Variants in IPO7 observed in about 807,000 individuals in gnomAD.
IPO7 encodes importin 7.
A neutral mutation model predicts 136.4 loss-of-function variants in IPO7; 13 were observed. The observed-to-expected ratio is 0.10, with a 90% CI of 0.06 to 0.15. The LOEUF is 0.15. IPO7 is among the 10% of genes least tolerant of loss of function. IPO7 has a pLI of 1.00. For missense variants in IPO7, 857 were observed against 1,240.6 expected, an observed-to-expected ratio of 0.69 and a Z score of 4.65; for synonymous variants, 403 against 404.4, an observed-to-expected ratio of 1.00 and a Z score of 0.04.
chr11:9,407,648 C>G (rs1854906102), intron 2 of IPO7, among the ~76,000 whole-genome samples: 1 of 152,110 alleles, frequency 6.6e-6, no homozygotes. Flanking sequence ...TTAAAGCAAA[C>G]TAGAATATAA....
chr11:9,422,419 TA>T (rs1192501099), intron 8 of IPO7, among the ~76,000 whole-genome samples: 1 of 151,532 alleles, frequency 6.6e-6, no homozygotes, highest in Admixed American at 6.6e-5. Context: ...TTTTTTTTTT[TA>T]AAAAAAGACA....
Position 9,426,451 on chromosome 11 carries a change from A to G in IPO7, c.1335+1189A>G, listed in dbSNP as rs773466754. 8.5e-5 allele frequency among the ~76,000 whole-genome samples: 13 copies of G among 152,162 alleles called. No individual in the cohort carries two copies. In the East Asian group the frequency reaches 9.6e-4, roughly 11 times the overall value. On this transcript the variant is annotated intron_variant, in intron 12 of 24. Coordinates refer to ENST00000379719, the MANE Select transcript of IPO7 (RefSeq NM_006391.3). ...GTTTCTACTTTCTGGCTGCTTACAA[A>G]TGTTGCTGTGAACATTCATGTTTAA...
chr11:9,434,878 CAAAG>C (rs1240024934), intron 18 of IPO7, 52 bp from the exon 19 acceptor site: 7 of 1,207,216 alleles, frequency 5.8e-6, no homozygotes, highest in African/African-American at 3.0e-5. Flanking sequence ...TTTTCAAAAG[CAAAG>C]AAAGCATTTG....
At chr11:9,418,480 A>G (rs1215694198) in intron 6 of IPO7, among the ~76,000 whole-genome samples, 1 of 152,156 alleles carries the variant, frequency 6.6e-6, no homozygotes, top group Non-Finnish European at 1.5e-5. Flanking sequence ...AATTTATCCA[A>G]TATAATATTG....
chr11:9,412,665 A>G (rs1370742225), intron 4 of IPO7, among the ~76,000 whole-genome samples: 2 of 151,996 alleles, frequency 1.3e-5, no homozygotes, highest in African/African-American at 4.8e-5. Context: ...TACTCTCTAC[A>G]GACAAAAAAG....
At chr11:9,404,664 C>T (rs1356276621) in intron 2 of IPO7, among the ~76,000 whole-genome samples, 2 of 147,568 alleles carry the variant, frequency 1.4e-5, no homozygotes, top group African/African-American at 2.5e-5. Flanking sequence ...CTCCCGTGTT[C>T]ACGCCGTTCT....
chr11:9,443,314 C>T (rs1274864261), intron 24 of IPO7, among the ~76,000 whole-genome samples: 3 of 152,106 alleles, frequency 2.0e-5, no homozygotes, highest in East Asian at 1.9e-4. Context: ...ACACCTAAGC[C>T]GGGCGCAGTG....
At position 9,438,253 on chromosome 11, in the gene IPO7, A is replaced by G; in HGVS notation, c.2663A>G (p.Asp888Gly). ...CHAEHENDSDDDDEAEDDDET... is the reference protein window; with the variant it reads ...CHAEHENDSDGDDEAEDDDET... ...GCAGAACATGAGAATGACAGTGATG[A>G]TGATGATGAAGCTGAAGATGATGAT... Residue 888 changes from aspartate (D) to glycine (G), a missense_variant, in exon 22 of 25, where the codon GAT becomes GGT. Asp to Gly is a moderately conservative substitution (Grantham distance 94). Around this residue, in one of 11 missense-constraint regions of IPO7, gnomAD observed 119 missense variants for 155.5 expected, o/e 0.77. Coordinates refer to ENST00000379719, the MANE Select transcript of IPO7 (RefSeq NM_006391.3). 1 of 1,590,626 alleles carries G rather than the reference A, an allele frequency of 6.3e-7. No homozygotes were observed. Among genetic ancestry groups the G allele is most frequent in the Non-Finnish European group, 8.6e-7 (1 of 1,159,792 alleles).
At chr11:9,407,239 T>A (rs2133735343) in intron 2 of IPO7, among the ~76,000 whole-genome samples, 1 of 152,312 alleles carries the variant, frequency 6.6e-6, no homozygotes, top group South Asian at 2.1e-4. Flanking sequence ...TGGACTTTGT[T>A]GGTCCTATTT....
At chr11:9,388,381 TGGCCA>T (rs1175308178) in intron 1 of IPO7, among the ~76,000 whole-genome samples, 1 of 151,880 alleles carries the variant, frequency 6.6e-6, no homozygotes, top group East Asian at 2.0e-4. Context: ...TTTACCATGT[TGGCCA>T]GGCTGGTCTC....
rs1554952677 is a variant in IPO7, at chr11:9,397,361, T to TATTA, written c.85-5927_85-5926insTAAT. On this transcript the variant is annotated intron_variant, in intron 1 of 24. Coordinates refer to ENST00000379719, the MANE Select transcript of IPO7 (RefSeq NM_006391.3). ...AAAAAAATATATATATATATATATA[T>TATTA]ATATTAGTCGGGCACGGTGGCAGGT... is the stretch of plus-strand genomic sequence containing the variant. Among the ~76,000 whole-genome samples the TATTA allele has an allele frequency of 8.8e-4, 37 of 42,278 alleles. 8 individuals carry two copies. The Middle Eastern group carries it at 0.038, about 44-fold the overall frequency. The allele number at this position is 42,278 out of a possible 152,430, so 27.7% of individuals were successfully genotyped here.
intron 9 of IPO7, 86 bp downstream of exon 9, chr11:9,423,226 G>C: frequency 1.2e-6 from 1 of 834,542 alleles, no homozygotes; most frequent in Non-Finnish European, 1.8e-6. Context: ...TTGCATGTTT[G>C]TTGAGTTGTG....
At chr11:9,422,789 A>G (rs1237372625) in intron 8 of IPO7, among the ~76,000 whole-genome samples, 3 of 152,196 alleles carry the variant, frequency 2.0e-5, no homozygotes, top group African/African-American at 4.8e-5. Flanking sequence ...CTCTAACAAC[A>G]ACAACAAAAA....
intron 18 of IPO7, among the ~76,000 whole-genome samples, chr11:9,434,675 C>G (rs1202103071): frequency 6.6e-6 from 1 of 152,088 alleles, no homozygotes; most frequent in African/African-American, 2.4e-5. Flanking sequence ...TGCCTATAGT[C>G]CCAGCTACCT....
At chr11:9,434,111 CAG>C (rs1855338519) in intron 18 of IPO7, among the ~76,000 whole-genome samples, 1 of 151,870 alleles carries the variant, frequency 6.6e-6, no homozygotes, top group South Asian at 2.1e-4. Flanking sequence ...TTAGTAGAGA[CAG>C]AGTTTCTCCA....
chr11:9,413,393 G>C (rs1299677572), intron 4 of IPO7, among the ~76,000 whole-genome samples: 3 of 152,006 alleles, frequency 2.0e-5, no homozygotes, highest in Non-Finnish European at 4.4e-5. Flanking sequence ...CTTTAATGCT[G>C]TTGGTATGTA....
At chr11:9,385,398 G>T (rs1854538290) in intron 1 of IPO7, among the ~76,000 whole-genome samples, 1 of 152,154 alleles carries the variant, frequency 6.6e-6, no homozygotes, top group Admixed American at 6.6e-5. Flanking sequence ...GCTTTCAAAG[G>T]CAAGCCCGCG....
intron 5 of IPO7, among the ~76,000 whole-genome samples, chr11:9,415,614 G>A (rs747212046): frequency 1.1e-4 from 17 of 152,082 alleles, no homozygotes; most frequent in Admixed American, 2.6e-4. Context: ...CGAGGCGGGC[G>A]GATCACGAGG....
intron 4 of IPO7, among the ~76,000 whole-genome samples, chr11:9,413,174 G>A (rs1035161661): frequency 5.3e-5 from 8 of 151,950 alleles, no homozygotes; most frequent in African/African-American, 1.2e-4. Context: ...CACCGCGCCC[G>A]GCCCCCAACA....
Sources: gnomAD v4.1 joint callset for allele counts (sites outside exome capture counted in the v4.1 genomes callset) on GRCh38, gnomAD v4.1.1 for gene constraint, gnomAD v4.1.1 regional missense constraint, MANE v1.5 for transcripts, NCBI Gene and HGNC (gene_info 2026-07-23, HGNC 2026-07-21) for gene names.